ZNF782: variants seen among roughly 807,000 people sequenced by gnomAD.
The protein encoded by ZNF782 is zinc finger protein 782.
ZNF782 carries 12 observed loss-of-function variants against 13.0 expected under a neutral mutation model. The ratio of observed to expected loss-of-function variants is 0.92; its 90% CI spans 0.59 to 1.50. The LOEUF is 1.50. Ranked by LOEUF, ZNF782 falls within the 40% of genes most tolerant of loss-of-function variation. The pLI is 0.00. For missense variants in ZNF782, 770 were observed against 822.9 expected (o/e 0.94, Z 0.79); for synonymous variants, 284 against 283.0 (o/e 1.00, Z -0.04).
upstream of ZNF782, among the ~76,000 whole-genome samples, chr9:96,876,956 AAAAAAAAAAAAAAAAAAG>A (rs1851900044): frequency 7.1e-6 from 1 of 141,656 alleles, no homozygotes; most frequent in African/African-American, 2.7e-5. Context: ...AAAAAAAAAA[AAAAAAAAAAAAAAAAAAG>A]AAGAAGAAGA....
the ZNF782 span, chr9:96,890,188 G>C: frequency 1.3e-5 from 2 of 152,360 alleles, no homozygotes; most frequent in African/African-American, 4.8e-5. Flanking sequence ...GTGCAACGCA[G>C]AGGACAGCAG....
the ZNF782 span, chr9:96,898,067 T>C: frequency 6.7e-6 from 1 of 149,340 alleles, no homozygotes; most frequent in Admixed American, 6.6e-5. Context: ...GATTATCTCT[T>C]TCTTTCCTTT....
chr9:96,895,118 A>T, the ZNF782 span: 1 of 152,236 alleles, frequency 6.6e-6, no homozygotes, highest in African/African-American at 2.4e-5. Flanking sequence ...TGTATAGGTC[A>T]GAAATTACAG....
In ZNF782 at chr9:96,819,785, A is replaced by C; in HGVS notation, c.245-7T>G. 4 of 1,549,600 alleles carry C rather than the reference A, an allele frequency of 2.6e-6. No homozygotes were observed. Among genetic ancestry groups the C allele is most frequent in the Non-Finnish European group, 3.5e-6 (4 of 1,155,596 alleles). Reference sequence around the variant, plus strand: ...TCATCAGGTTGGGAGTCTTCTAAAAATGATAAAATTAAACAAACTTTATGA... The same window carrying C: ...TCATCAGGTTGGGAGTCTTCTAAAACTGATAAAATTAAACAAACTTTATGA... On this transcript the variant is annotated splice_region_variant and splice_polypyrimidine_tract_variant and intron_variant, in intron 5 of 5. Coordinates refer to ENST00000481138, the MANE Select transcript of ZNF782 (RefSeq NM_001001662.3).
the ZNF782 span, among the ~76,000 whole-genome samples, chr9:96,914,357 T>C: frequency 6.6e-6 from 1 of 151,144 alleles, no homozygotes; most frequent in African/African-American, 2.4e-5. Context: ...CCTGACCTCA[T>C]GATCTGCCCG....
At chr9:96,903,711 C>T in the ZNF782 span, among the ~76,000 whole-genome samples, 56 of 151,184 alleles carry the variant, frequency 3.7e-4, no homozygotes, top group Middle Eastern at 3.4e-3. Flanking sequence ...TACAGGCGCC[C>T]GCCACCACAC....
At chr9:96,877,852 A>G (rs1265578801), upstream of ZNF782, among the ~76,000 whole-genome samples, 3 of 152,052 alleles carry the variant, frequency 2.0e-5, no homozygotes, top group African/African-American at 7.2e-5. Context: ...TCTATAAACA[A>G]CTTAATTGGC....
rs1298521097 is a variant in ZNF782, at chr9:96,850,319, G to A, written c.15+1628C>T. 6.6e-6 allele frequency among the ~76,000 whole-genome samples: 1 copy of A among 152,188 alleles called. No homozygotes were observed. The highest frequency in any genetic ancestry group is 1.9e-4 in the East Asian group (1 of 5,198). On this transcript the variant is annotated intron_variant, in intron 3 of 5. Transcript: ENST00000481138. The surrounding 1 kb of genome is among the most constrained non-coding windows in gnomAD (Gnocchi z 4.3). ...CCTATACACCATGGAATACTACTCA[G>A]CCATAAAAAGGAATGAAATAATGTC... is the stretch of plus-strand genomic sequence containing the variant.
chr9:96,925,781 G>A, the ZNF782 span, among the ~76,000 whole-genome samples: 11 of 149,242 alleles, frequency 7.4e-5, no homozygotes, highest in Middle Eastern at 0.01. Context: ...GAGCCTTCAC[G>A]TCTATGACGG....
chr9:96,881,606 A>T, the ZNF782 span, among the ~76,000 whole-genome samples: 1 of 152,126 alleles, frequency 6.6e-6, no homozygotes, highest in African/African-American at 2.4e-5. Flanking sequence ...AACATGTAGT[A>T]AGGCTTGAAC....
chr9:96,918,341 C>T, the ZNF782 span, among the ~76,000 whole-genome samples: 13 of 142,108 alleles, frequency 9.1e-5, no homozygotes, highest in Admixed American at 6.5e-4. Flanking sequence ...ACTCCGGAGG[C>T]GGAGGTTGCA....
At position 96,845,005 on chromosome 9, in the gene ZNF782, T is replaced by C. The variant is rs761882556; in HGVS notation, c.27A>G (p.Ser9=). 6.2e-7 allele frequency: 1 copy of C among 1,614,028 alleles called. No individual in the cohort carries two copies. Among genetic ancestry groups the C allele is most frequent in the East Asian group, 2.2e-5 (1 of 44,866 alleles). MNTFQASV[S]FQDVTVEFSQ... ...TGAATTCCACAGTCACGTCCTGGAATGACACTGATGCCTGTAACAGCGCAT... is the reference window on the plus strand; with the variant it reads ...TGAATTCCACAGTCACGTCCTGGAACGACACTGATGCCTGTAACAGCGCAT... The change falls in exon 4 of 6, where the codon TCA becomes TCG. Residue 9 remains serine, a synonymous_variant. Coordinates refer to ENST00000481138, the MANE Select transcript of ZNF782 (RefSeq NM_001001662.3).
At chr9:96,868,624 G>A (rs888443575) in intron 1 of ZNF782, among the ~76,000 whole-genome samples, 1 of 152,234 alleles carries the variant, frequency 6.6e-6, no homozygotes, top group Non-Finnish European at 1.5e-5. Flanking sequence ...TTGAAAAGAT[G>A]TGGGAAAATC....
chr9:96,831,830 C>G (rs1564001380), intron 4 of ZNF782, among the ~76,000 whole-genome samples: 2 of 151,994 alleles, frequency 1.3e-5, no homozygotes, highest in African/African-American at 4.8e-5. Context: ...GCCAATCCTG[C>G]TTTTTTATGA....
the ZNF782 span, among the ~76,000 whole-genome samples, chr9:96,929,227 T>A: frequency 6.6e-6 from 1 of 152,048 alleles, no homozygotes; most frequent in South Asian, 2.1e-4. Context: ...GAGGGCTCCT[T>A]AGAGGCGGAC....
chr9:96,884,154 C>T, the ZNF782 span, among the ~76,000 whole-genome samples: 2 of 152,214 alleles, frequency 1.3e-5, no homozygotes, highest in African/African-American at 4.8e-5. Flanking sequence ...GCATCCTCTG[C>T]CTGGCAGAAG....
At chr9:96,932,811 C>T in the ZNF782 span, among the ~76,000 whole-genome samples, 3 of 151,782 alleles carry the variant, frequency 2.0e-5, no homozygotes, top group Non-Finnish European at 4.4e-5. Context: ...TGCCACCATG[C>T]CTGGCTAATT....
the ZNF782 span, among the ~76,000 whole-genome samples, chr9:96,902,709 T>A: frequency 7.1e-4 from 103 of 144,492 alleles, 3 homozygotes; most frequent in African/African-American, 2.4e-3. Flanking sequence ...CATGTAAACA[T>A]TATTTTATAT....
At chr9:96,893,081 A>T in the ZNF782 span, 2 of 152,166 alleles carry the variant, frequency 1.3e-5, no homozygotes, top group Non-Finnish European at 2.9e-5. Flanking sequence ...TTTGGCTATA[A>T]AATGACATGG....
Sources: allele counts gnomAD v4.1 joint callset (sites outside exome capture counted in the v4.1 genomes callset), GRCh38; gene constraint gnomAD v4.1.1; non-coding constraint Gnocchi (gnomAD v3.1); transcripts MANE v1.5; gene names NCBI Gene and HGNC (gene_info 2026-07-23, HGNC 2026-07-21).